PIWIL2: variants seen among roughly 807,000 people sequenced by gnomAD.
PIWIL2 encodes piwi like RNA-mediated gene silencing 2, also known as piwi-like protein 2.
In PIWIL2, 81 loss-of-function variants were observed where a neutral mutation model predicts 116.5. That is an observed-to-expected ratio of 0.70 (90% CI 0.58 to 0.84). The LOEUF is 0.84. PIWIL2 is among the 40% of genes least tolerant of loss of function. The pLI is 0.00. For synonymous variants in PIWIL2, 489 were observed against 429.5 expected (o/e 1.14, Z -1.71); for missense variants, 1,272 against 1,212.3 (o/e 1.05, Z -0.73).
At chr8:22,297,592 A>C (rs76108385) in intron 10 of PIWIL2, among the ~76,000 whole-genome samples, 9,281 of 152,290 alleles carry the variant, frequency 0.061, 354 homozygotes, top group Admixed American at 0.092. Context: ...GGCAGACTTT[A>C]TTCAGAACCA....
At chr8:22,306,596 T>A (rs78673710) in intron 13 of PIWIL2, among the ~76,000 whole-genome samples, 4,803 of 152,218 alleles carry the variant, frequency 0.032, 106 homozygotes, top group Non-Finnish European at 0.05. Flanking sequence ...CCCGCCACAC[T>A]CTGTCTGGGG....
At chr8:22,351,758 T>C in intron 20 of PIWIL2, among the ~76,000 whole-genome samples, 1 of 151,562 alleles carries the variant, frequency 6.6e-6, no homozygotes, top group Non-Finnish European at 1.5e-5. Flanking sequence ...AGGGTGGTCT[T>C]GAACTTCTGA....
intron 1 of PIWIL2, among the ~76,000 whole-genome samples, chr8:22,277,169 G>A (rs971771953): frequency 2.5e-4 from 38 of 152,212 alleles, no homozygotes; most frequent in Admixed American, 2.5e-3. Context: ...TTACAGGCAT[G>A]CACCACCATG....
At chr8:22,286,746 C>T (rs1365182247) in intron 6 of PIWIL2, among the ~76,000 whole-genome samples, 3 of 152,176 alleles carry the variant, frequency 2.0e-5, no homozygotes, top group Middle Eastern at 3.4e-3. Context: ...CTCAGCCTCC[C>T]GAGTAACTGG....
At chr8:22,342,369 C>G (rs909296779) in intron 20 of PIWIL2, among the ~76,000 whole-genome samples, 1 of 152,076 alleles carries the variant, frequency 6.6e-6, no homozygotes, top group Non-Finnish European at 1.5e-5. Flanking sequence ...CTGCCTAGCT[C>G]AAAGACTTAC....
At chr8:22,315,189 C>T (rs4397403) in intron 18 of PIWIL2, 44 bp downstream of exon 18, 369,617 of 1,053,274 alleles carry the variant, frequency 0.35, 70,474 homozygotes, top group East Asian at 0.49. Flanking sequence ...CCAGAGAATC[C>T]TCCAAGCTGT....
At position 22,290,182 on chromosome 8, in the gene PIWIL2, AGTAT is replaced by A. The variant is rs765408788; in HGVS notation, c.1068-50_1068-47del. On this transcript the variant is annotated intron_variant, in intron 9 of 22. Transcript: ENST00000356766. ...TGTTTTGTTCACATGGGGGCATGGA[AGTAT>A]ATGTGTTCTTTGAAAATCCTACAGT... 7.5e-6 allele frequency: 8 copies of A among 1,070,970 alleles called. No individual in the cohort carries two copies. In the Admixed American group the frequency reaches 1.3e-4, roughly 17 times the overall value. The allele number at this position is 1,070,970 out of a possible 1,614,324, so 66.3% of individuals were successfully genotyped here. A position where few individuals can be genotyped will look rare whatever the true frequency, so the allele number is the denominator to read the frequency against.
At chr8:22,297,608 A>T (rs79814991) in intron 10 of PIWIL2, among the ~76,000 whole-genome samples, 1 of 152,182 alleles carries the variant, frequency 6.6e-6, no homozygotes, top group East Asian at 1.9e-4. Context: ...AACCAGTGCA[A>T]TGGGCACAAG....
intron 20 of PIWIL2, among the ~76,000 whole-genome samples, chr8:22,328,460 T>C (rs943475306): frequency 1.3e-5 from 2 of 152,124 alleles, no homozygotes; most frequent in Non-Finnish European, 2.9e-5. Flanking sequence ...TTTTTTTGTT[T>C]CTGCAAAAAA....
intron 20 of PIWIL2, among the ~76,000 whole-genome samples, chr8:22,351,483 A>ATATATATT (rs10522644): frequency 9.5e-6 from 1 of 104,842 alleles, no homozygotes; most frequent in Non-Finnish European, 2.0e-5. Flanking sequence ...ATATATATAT[A>ATATATATT]ATTTATATCT....
At chr8:22,355,267 C>A in intron 22 of PIWIL2, 82 bp from the exon 23 acceptor site, 1 of 1,359,986 alleles carries the variant, frequency 7.4e-7, no homozygotes. Flanking sequence ...TGTGTCATAT[C>A]CCCGTGACTA....
chr8:22,321,067 G>A (rs1290418084), intron 20 of PIWIL2, among the ~76,000 whole-genome samples: 1 of 152,090 alleles, frequency 6.6e-6, no homozygotes, highest in Non-Finnish European at 1.5e-5. Context: ...TTCTTTATCT[G>A]AACTATGAAC....
At chr8:22,303,158 C>T (rs905704828) in intron 10 of PIWIL2, among the ~76,000 whole-genome samples, 2 of 152,170 alleles carry the variant, frequency 1.3e-5, no homozygotes, top group Non-Finnish European at 2.9e-5. Context: ...GAAATAGTCC[C>T]TTGGTGGTGA....
At chr8:22,315,442 G>T (rs1338966453) in intron 18 of PIWIL2, among the ~76,000 whole-genome samples, 1 of 152,072 alleles carries the variant, frequency 6.6e-6, no homozygotes, top group Middle Eastern at 3.2e-3. Flanking sequence ...TCAGCCTCCT[G>T]AGTAGCTGGG....
intron 6 of PIWIL2, among the ~76,000 whole-genome samples, chr8:22,286,158 G>GA (rs1460025596): frequency 1.3e-5 from 2 of 152,106 alleles, no homozygotes; most frequent in Non-Finnish European, 2.9e-5. Context: ...TTGGCCACAG[G>GA]AAAAAAAGCA....
At chr8:22,293,996 T>G (rs929464581) in intron 10 of PIWIL2, among the ~76,000 whole-genome samples, 3 of 152,180 alleles carry the variant, frequency 2.0e-5, no homozygotes, top group Non-Finnish European at 4.4e-5. Flanking sequence ...GAATGTTCAC[T>G]TAGTCTTCCT....
intron 20 of PIWIL2, among the ~76,000 whole-genome samples, chr8:22,348,407 A>C (rs1832277396): frequency 6.6e-6 from 1 of 152,028 alleles, no homozygotes; most frequent in Admixed American, 6.5e-5. Flanking sequence ...AAACATGTCA[A>C]ACACTCAGCA....
intron 16 of PIWIL2, among the ~76,000 whole-genome samples, chr8:22,311,988 G>T (rs896067566): frequency 6.6e-6 from 1 of 151,996 alleles, no homozygotes; most frequent in Admixed American, 6.6e-5. Context: ...TCAGCTGGGC[G>T]CACAGTGGCT....
chr8:22,298,390 T>C (rs1396571970), intron 10 of PIWIL2, among the ~76,000 whole-genome samples: 1 of 152,216 alleles, frequency 6.6e-6, no homozygotes, highest in African/African-American at 2.4e-5. Flanking sequence ...CCAAAAGGTC[T>C]ATTTTACGTA....
Sources: gnomAD v4.1 joint callset for allele counts (sites outside exome capture counted in the v4.1 genomes callset) on GRCh38, gnomAD v4.1.1 for gene constraint, MANE v1.5 for transcripts, NCBI Gene and HGNC (gene_info 2026-07-23, HGNC 2026-07-21) for gene names.